The following MCHR1 variants were observed in gnomAD, a reference collection of about 807,000 sequenced individuals.
MCHR1 encodes melanin-concentrating hormone receptor 1.
In MCHR1, 13 loss-of-function variants were observed where a neutral mutation model predicts 20.4. The ratio of observed to expected loss-of-function variants is 0.64; its 90% confidence interval spans 0.41 to 1.01. The LOEUF is 1.01. MCHR1 is among the 50% of genes least tolerant of loss of function. The pLI, the probability that MCHR1 is intolerant of heterozygous loss-of-function variation, is 0.00. For synonymous variants in MCHR1, 215 were observed against 204.4 expected (o/e 1.05, Z -0.44); for missense variants, 472 against 477.0 (o/e 0.99, Z 0.10).
At position 40,679,593 on chromosome 22, in the gene MCHR1, C is replaced by A; in HGVS notation, c.-60C>A. 1 of 1,613,886 alleles carries A rather than the reference C, an allele frequency of 6.2e-7. No homozygotes were observed. Among genetic ancestry groups the A allele is most frequent in the Non-Finnish European group, 8.5e-7 (1 of 1,179,906 alleles). ...TGGCAGGCGCTGGAGGCTGCCGCAG[C>A]CTGCGTGGGTGGAGGGGAGCTCAGC... is the stretch of plus-strand genomic sequence containing the variant. On this transcript the variant is annotated 5_prime_UTR_variant, in exon 1 of 2. Transcript: ENST00000249016.
chr22:40,681,865 G>A lies in MCHR1; in HGVS notation c.999G>A (p.Gln333=). The A allele has an allele frequency of 6.2e-7, 1 of 1,613,676 alleles. No individual in the cohort carries two copies. Among genetic ancestry groups the A allele is most frequent in the Non-Finnish European group, 8.5e-7 (1 of 1,180,046 alleles). ...VLSVKPAAQG[Q]LRAVSNAQTA... is the part of the protein sequence containing the mutation. ...CGGTGAAGCCTGCAGCCCAGGGGCA[G>A]CTTCGCGCTGTCAGCAACGCTCAGA... The change falls in exon 2 of 2, where the codon CAG becomes CAA. Residue 333 remains glutamine, a synonymous_variant. Coordinates refer to ENST00000249016, the MANE Select transcript of MCHR1 (RefSeq NM_005297.4). The surrounding 1 kb of genome is among the most constrained non-coding windows in gnomAD (Gnocchi z 4.3).
In MCHR1 at chr22:40,679,554, G is replaced by T. The variant is rs754736606; in HGVS notation, c.-99G>T. 1 of 1,613,674 alleles carries T rather than the reference G, an allele frequency of 6.2e-7. No homozygotes were observed. Among genetic ancestry groups the T allele is most frequent in the African/African-American group, 1.3e-5 (1 of 74,924 alleles). Reference sequence around the variant, plus strand: ...CCCCCTTCCCAACTGCGGGGCTTGCGCTCCGGGACAAGGTGGCAGGCGCTG... The same window carrying T: ...CCCCCTTCCCAACTGCGGGGCTTGCTCTCCGGGACAAGGTGGCAGGCGCTG... On this transcript the variant is annotated 5_prime_UTR_variant, in exon 1 of 2. Transcript: ENST00000249016.
intron 1 of MCHR1, chr22:40,680,292 A>G (rs1428551204): frequency 5.3e-6 from 1 of 188,932 alleles, no homozygotes; most frequent in East Asian, 1.3e-4. Context: ...GGAAGGAAGG[A>G]AAAGAGGAAA....
chr22:40,681,364 C>T lies in MCHR1; in HGVS notation c.498C>T (p.Leu166=). 6.2e-7 allele frequency: 1 copy of T among 1,614,240 alleles called. No homozygotes were observed. The change falls in exon 2 of 2, where the codon CTC becomes CTT. Residue 166 remains leucine (L), a synonymous_variant. Transcript: ENST00000249016. The surrounding 1 kb of genome is among the most constrained non-coding windows in gnomAD (Gnocchi z 4.3). ...CTGTGGCCACCCTGGTGATCTGCCT[C>T]CTGTGGGCCCTCTCCTTCATCAGCA... The part of the protein sequence containing the change: ...KPSVATLVIC[L]LWALSFISIT...
rs1265499014 is a variant in MCHR1, at chr22:40,679,555, C to T, written c.-98C>T. 6.2e-7 allele frequency: 1 copy of T among 1,613,658 alleles called. No homozygotes were observed. The highest frequency in any genetic ancestry group is 1.3e-5 in the African/African-American group (1 of 74,922). On this transcript the variant is annotated 5_prime_UTR_variant, in exon 1 of 2. Coordinates refer to ENST00000249016, the MANE Select transcript of MCHR1 (RefSeq NM_005297.4). ...CCCCTTCCCAACTGCGGGGCTTGCG[C>T]TCCGGGACAAGGTGGCAGGCGCTGG...
At chr22:40,679,762 C>T in intron 1 of MCHR1, 28 bp downstream of exon 1, 1 of 1,613,430 alleles carries the variant, frequency 6.2e-7, no homozygotes, top group Non-Finnish European at 8.5e-7. Flanking sequence ...CCTCCCTCCT[C>T]TGGGCTGTGG....
rs781421715 is a variant in MCHR1, at chr22:40,681,310, C to T, written c.444C>T (p.Pro148=). The change falls in exon 2 of 2, where the codon CCC becomes CCT. Residue 148 remains proline, a synonymous_variant. Coordinates refer to ENST00000249016, the MANE Select transcript of MCHR1 (RefSeq NM_005297.4). This position sits in a 1 kb window ranked among gnomAD's most constrained non-coding sequence, Gnocchi z 4.3. ...ACCGCTACCTGGCCACTGTCCACCC[C>T]ATCTCTTCCACGAAGTTCCGGAAGC... ...AIDRYLATVH[P]ISSTKFRKPS... is the part of the protein sequence containing the mutation. 2.5e-6 allele frequency: 4 copies of T among 1,614,098 alleles called. No homozygotes were observed. The African/African-American group carries it at 4.0e-5, about 16-fold the overall frequency.
rs1176228209 is a variant in MCHR1, at chr22:40,681,487, G to C, written c.621G>C (p.Trp207Cys). The change falls in exon 2 of 2, where the codon TGG becomes TGC. Residue 207 changes from tryptophan to cysteine, a missense_variant. Trp to Cys is a radical substitution (Grantham distance 215, BLOSUM62 -2). Transcript: ENST00000249016. This position sits in a 1 kb window ranked among gnomAD's most constrained non-coding sequence, Gnocchi z 4.3. ...RLPNPDTDLY[W>C]FTLYQFFLAF... The stretch of plus-strand genomic sequence containing the variant: ...CCAACCCAGACACTGACCTCTACTG[G>C]TTCACCCTGTACCAGTTTTTCCTGG... 5 of 1,612,570 alleles carry C rather than the reference G, an allele frequency of 3.1e-6. No individual in the cohort carries two copies. The highest frequency in any genetic ancestry group is 3.4e-6 in the Non-Finnish European group (4 of 1,180,036).
rs201681574 is a variant in MCHR1, at chr22:40,681,567, G to C, written c.701G>C (p.Arg234Pro). The C allele has an allele frequency of 6.2e-7, 1 of 1,613,520 alleles. No individual in the cohort carries two copies. The highest frequency in any genetic ancestry group is 1.7e-5 in the Admixed American group (1 of 60,032). ...ITAAYVRILQ[R>P]MTSSVAPASQ... ...GCCGCATACGTGAGGATCCTGCAGC[G>C]CATGACGTCCTCAGTGGCCCCCGCC... The change falls in exon 2 of 2, where the codon CGC becomes CCC. Residue 234 changes from arginine (R) to proline (P), a missense_variant. Transcript: ENST00000249016. The surrounding 1 kb of genome is among the most constrained non-coding windows in gnomAD (Gnocchi z 4.3).
Position 40,681,852 on chromosome 22 carries a change from C to A in MCHR1, c.986C>A (p.Ala329Glu), listed in dbSNP as rs754565330. Residue 329 changes from alanine (A) to glutamate (E), a missense_variant, in exon 2 of 2, where the codon GCA (alanine) becomes GAA (glutamate). By Grantham distance (107) the Ala-to-Glu change is moderately radical. Transcript: ENST00000249016. The surrounding 1 kb of genome is among the most constrained non-coding windows in gnomAD (Gnocchi z 4.3). ...CGCTTGGTCCTGTCGGTGAAGCCTG[C>A]AGCCCAGGGGCAGCTTCGCGCTGTC... ...RKRLVLSVKP[A>E]AQGQLRAVSN... 9.9e-6 allele frequency: 16 copies of A among 1,613,870 alleles called. No homozygotes were observed. The highest frequency in any genetic ancestry group is 2.2e-5 in the East Asian group (1 of 44,904).
chr22:40,681,650 T>G lies in MCHR1; in HGVS notation c.784T>G (p.Cys262Gly), dbSNP rs1416754162. 1 of 1,614,288 alleles carries G rather than the reference T, an allele frequency of 6.2e-7. No individual in the cohort carries two copies. The highest frequency in any genetic ancestry group is 1.3e-5 in the African/African-American group (1 of 75,078). Reference sequence around the variant, plus strand: ...GGTGACCCGCACAGCCATCGCCATCTGTCTGGTCTTCTTTGTGTGCTGGGC... The same window carrying G: ...GGTGACCCGCACAGCCATCGCCATCGGTCTGGTCTTCTTTGTGTGCTGGGC... ...KRVTRTAIAI[C>G]LVFFVCWAPY... The change falls in exon 2 of 2, where the codon TGT (cysteine) becomes GGT (glycine). Residue 262 changes from cysteine (C) to glycine (G), a missense_variant. By Grantham distance (159) the Cys-to-Gly change is radical. Coordinates refer to ENST00000249016, the MANE Select transcript of MCHR1 (RefSeq NM_005297.4). This position sits in a 1 kb window ranked among gnomAD's most constrained non-coding sequence, Gnocchi z 4.3.
At chr22:40,679,954 A>AG (rs1026348854) in intron 1 of MCHR1, among the ~76,000 whole-genome samples, 2 of 151,888 alleles carry the variant, frequency 1.3e-5, no homozygotes, top group Admixed American at 6.6e-5. Context: ...ATGGCAAGGA[A>AG]GGGGGGCCAG....
rs1383865393 is a variant in MCHR1, at chr22:40,681,601, C to T, written c.735C>T (p.Arg245=). 6.2e-7 allele frequency: 1 copy of T among 1,614,134 alleles called. No homozygotes were observed. Among genetic ancestry groups the T allele is most frequent in the Non-Finnish European group, 8.5e-7 (1 of 1,180,054 alleles). ...MTSSVAPASQ[R]SIRLRTKRVT... is the part of the protein sequence containing the mutation. ...CCTCAGTGGCCCCCGCCTCCCAGCG[C>T]AGCATCCGGCTGCGGACAAAGAGGG... Residue 245 remains arginine (R), a synonymous_variant, in exon 2 of 2, where the codon CGC becomes CGT. Coordinates refer to ENST00000249016, the MANE Select transcript of MCHR1 (RefSeq NM_005297.4). The surrounding 1 kb of genome is among the most constrained non-coding windows in gnomAD (Gnocchi z 4.3).
rs936478509 is a variant in MCHR1, at chr22:40,682,083, C to T, written c.*155C>T. The T allele has an allele frequency of 2.9e-6, 3 of 1,017,598 alleles. No individual in the cohort carries two copies. The highest frequency in any genetic ancestry group is 4.3e-6 in the Non-Finnish European group (3 of 690,770). The allele number at this position is 1,017,598 out of a possible 1,614,324, so 63.0% of individuals were successfully genotyped here. Reference sequence around the variant, plus strand: ...AAATAAATACATTCCATGGGGCTCACACGTTGCTGGGGAGGCCTGGAGTCA... The same window carrying T: ...AAATAAATACATTCCATGGGGCTCATACGTTGCTGGGGAGGCCTGGAGTCA... On this transcript the variant is annotated 3_prime_UTR_variant, in exon 2 of 2. Coordinates refer to ENST00000249016, the MANE Select transcript of MCHR1 (RefSeq NM_005297.4).
In MCHR1 at chr22:40,681,780, G is replaced by A. The variant is rs757942189; in HGVS notation, c.914G>A (p.Cys305Tyr). The A allele has an allele frequency of 1.9e-6, 3 of 1,614,250 alleles. No individual in the cohort carries two copies. The highest frequency in any genetic ancestry group is 2.5e-6 in the Non-Finnish European group (3 of 1,180,056). ...ATCAGCTTGGGCTATGCCAACAGCT[G>A]CCTCAACCCCTTTGTGTACATCGTG... ...AAISLGYANS[C>Y]LNPFVYIVLC... The change falls in exon 2 of 2, where the codon TGC becomes TAC. Residue 305 changes from cysteine (C) to tyrosine (Y), a missense_variant. Cys to Tyr is a radical substitution (Grantham distance 194). Coordinates refer to ENST00000249016, the MANE Select transcript of MCHR1 (RefSeq NM_005297.4). This position sits in a 1 kb window ranked among gnomAD's most constrained non-coding sequence, Gnocchi z 4.3.
At position 40,682,043 on chromosome 22, in the gene MCHR1, G is replaced by A. The variant is rs2056884679; in HGVS notation, c.*115G>A. ...GAAATGCAGGAAGGCCGGGTTGTGA[G>A]GGGTTGTTGCAATGAAATAAATACA... On this transcript the variant is annotated 3_prime_UTR_variant, in exon 2 of 2. Coordinates refer to ENST00000249016, the MANE Select transcript of MCHR1 (RefSeq NM_005297.4). 2 of 1,364,698 alleles carry A rather than the reference G, an allele frequency of 1.5e-6. No homozygotes were observed. Among genetic ancestry groups the A allele is most frequent in the South Asian group, 1.2e-5 (1 of 82,352 alleles). The allele number at this position is 1,364,698 out of a possible 1,614,324, so 84.5% of individuals were successfully genotyped here. A position where few individuals can be genotyped will look rare whatever the true frequency, so the allele number is the denominator to read the frequency against.
rs202175341 is a variant in MCHR1, at chr22:40,681,253, C to T, written c.387C>T (p.Thr129=). 3 of 1,614,150 alleles carry T rather than the reference C, an allele frequency of 1.9e-6. No individual in the cohort carries two copies. The highest frequency in any genetic ancestry group is 2.7e-5 in the African/African-American group (2 of 75,030). ...CCATGGATGCCAATAGTCAGTTCAC[C>T]AGCACCTACATCCTGACCGCCATGG... The part of the protein sequence containing the change: ...ITAMDANSQF[T]STYILTAMAI... The change falls in exon 2 of 2, where the codon ACC becomes ACT. Residue 129 remains threonine (T), a synonymous_variant. Transcript: ENST00000249016. This position sits in a 1 kb window ranked among gnomAD's most constrained non-coding sequence, Gnocchi z 4.3.
rs200939549 is a variant in MCHR1, at chr22:40,681,721, G to A, written c.855G>A (p.Pro285=). 420 of 1,614,216 alleles carry A rather than the reference G, an allele frequency of 2.6e-4. 3 individuals are homozygous for A. The South Asian group carries it at 4.2e-3, about 16-fold the overall frequency. Residue 285 remains proline (P), a synonymous_variant, in exon 2 of 2, where the codon CCG becomes CCA. Transcript: ENST00000249016. This position sits in a 1 kb window ranked among gnomAD's most constrained non-coding sequence, Gnocchi z 4.3. ...TGACCCAGTTGTCCATCAGCCGCCC[G>A]ACCCTCACCTTTGTCTACTTATACA... is the stretch of plus-strand genomic sequence containing the variant. ...LQLTQLSISR[P]TLTFVYLYNA...
At chr22:40,680,198 G>A (rs2056872016) in intron 1 of MCHR1, 1 of 231,928 alleles carries the variant, frequency 4.3e-6, no homozygotes. Context: ...ACAGAGCCAT[G>A]AGGGGATTAA....
Sources: allele counts gnomAD v4.1 joint callset (sites outside exome capture counted in the v4.1 genomes callset), GRCh38; gene constraint gnomAD v4.1.1; non-coding constraint Gnocchi (gnomAD v3.1); transcripts MANE v1.5; gene names NCBI Gene and HGNC (gene_info 2026-07-23, HGNC 2026-07-21).